LDB2: variants seen among roughly 807,000 people sequenced by gnomAD.
The protein encoded by LDB2 is LIM domain binding 2.
A neutral mutation model predicts 44.3 loss-of-function variants in LDB2; 12 were observed. That is an observed-to-expected ratio of 0.27 (90% confidence interval 0.17 to 0.44). LDB2 has a LOEUF of 0.44. Ranked by LOEUF, LDB2 falls within the 20% of genes least tolerant of loss-of-function variation. The probability of loss-of-function intolerance (pLI) is 1.00; values close to 1 mark genes in which losing one functional copy is unlikely to be tolerated. For synonymous variants in LDB2, 164 were observed against 174.8 expected, an observed-to-expected ratio of 0.94 and a Z score of 0.49; for missense variants, 344 against 473.5, an observed-to-expected ratio of 0.73 and a Z score of 2.54.
intron 1 of LDB2, among the ~76,000 whole-genome samples, chr4:16,838,496 G>A (rs1326239526): frequency 1.3e-5 from 2 of 152,140 alleles, no homozygotes; most frequent in Non-Finnish European, 2.9e-5. Flanking sequence ...ACAAATACAT[G>A]TCTGTGAAAC....
intron 1 of LDB2, among the ~76,000 whole-genome samples, chr4:16,779,679 G>A (rs558732440): frequency 5.3e-5 from 8 of 152,322 alleles, no homozygotes; most frequent in African/African-American, 1.7e-4. Context: ...CAGCCCTAAT[G>A]CTGAGTAGTC....
intron 2 of LDB2, among the ~76,000 whole-genome samples, chr4:16,712,302 C>T (rs575551623): frequency 6.6e-6 from 1 of 152,250 alleles, no homozygotes; most frequent in East Asian, 1.9e-4. Context: ...GCCTGTAATC[C>T]CAGCACTTTG....
At chr4:16,884,964 C>T (rs1413081963) in intron 1 of LDB2, among the ~76,000 whole-genome samples, 3 of 151,978 alleles carry the variant, frequency 2.0e-5, no homozygotes, top group African/African-American at 4.8e-5. Context: ...AGAAGTTAAG[C>T]GCTTAATGCC....
At chr4:16,786,486 T>C (rs1774441021) in intron 1 of LDB2, among the ~76,000 whole-genome samples, 1 of 152,228 alleles carries the variant, frequency 6.6e-6, no homozygotes, top group South Asian at 2.1e-4. Flanking sequence ...TTACTAACTG[T>C]GACTCTCTTG....
rs909476805 is a variant in LDB2, at chr4:16,501,651, A to G, written c.*992T>C. ...TGTGCCTTTACATGTGTGGAGGAAC[A>G]TATTAATATGCAAATGGAAAAATTA... On this transcript the variant is annotated 3_prime_UTR_variant, in exon 8 of 8. Coordinates refer to ENST00000304523, the MANE Select transcript of LDB2 (RefSeq NM_001290.5). 1 of 152,668 alleles carries G rather than the reference A, an allele frequency of 6.6e-6. No individual in the cohort carries two copies. Among genetic ancestry groups the G allele is most frequent in the Non-Finnish European group, 1.5e-5 (1 of 68,046 alleles). 9.5% of individuals were successfully genotyped at this position (152,668 alleles called of 1,614,324 possible).
chr4:16,596,849 G>A (rs535479626), intron 2 of LDB2, among the ~76,000 whole-genome samples: 1 of 152,214 alleles, frequency 6.6e-6, no homozygotes, highest in African/African-American at 2.4e-5. Flanking sequence ...GCAGCGATTT[G>A]AAATCCTCTT....
chr4:16,555,363 C>T (rs957928652), intron 5 of LDB2, among the ~76,000 whole-genome samples: 2 of 152,092 alleles, frequency 1.3e-5, no homozygotes, highest in Non-Finnish European at 2.9e-5. Flanking sequence ...CAGATGGTAC[C>T]GCCCTGCGAA....
At chr4:16,587,520 A>G (rs1323489442) in intron 4 of LDB2, among the ~76,000 whole-genome samples, 1 of 152,166 alleles carries the variant, frequency 6.6e-6, no homozygotes, top group African/African-American at 2.4e-5. Flanking sequence ...TTCCTCAAAG[A>G]GAGTGGAGAA....
Position 16,898,586 on chromosome 4 carries a change from C to A in LDB2, c.-101G>T. The A allele has an allele frequency of 8.6e-7, 1 of 1,158,186 alleles. No individual in the cohort carries two copies. The allele number at this position is 1,158,186 out of a possible 1,614,324, so 71.7% of individuals were successfully genotyped here. A position where few individuals can be genotyped will look rare whatever the true frequency, so the allele number is the denominator to read the frequency against. ...CCAGTACAAAGTAGACGCACGCACA[C>A]ACGCTCACACACACACAGAGGCAGG... On this transcript the variant is annotated 5_prime_UTR_variant, in exon 1 of 8. Coordinates refer to ENST00000304523, the MANE Select transcript of LDB2 (RefSeq NM_001290.5).
At chr4:16,508,769 T>G (rs1258534141) in intron 6 of LDB2, 83 bp from the exon 7 acceptor site, 1 of 1,362,182 alleles carries the variant, frequency 7.3e-7, no homozygotes, top group African/African-American at 1.5e-5. Flanking sequence ...CTAAGGAAGC[T>G]GTCTTGGTAA....
intron 1 of LDB2, among the ~76,000 whole-genome samples, chr4:16,801,354 G>A (rs1181954977): frequency 6.6e-6 from 1 of 152,124 alleles, no homozygotes; most frequent in African/African-American, 2.4e-5. Flanking sequence ...ATTTACTTAT[G>A]CATTTCCACC....
chr4:16,720,004 C>T (rs1757912804), intron 2 of LDB2, among the ~76,000 whole-genome samples: 1 of 152,032 alleles, frequency 6.6e-6, no homozygotes, highest in Non-Finnish European at 1.5e-5. Context: ...TATTTATCTT[C>T]CTTTAATTTA....
intron 2 of LDB2, among the ~76,000 whole-genome samples, chr4:16,652,556 G>A (rs568204931): frequency 1.2e-4 from 19 of 152,264 alleles, no homozygotes; most frequent in Non-Finnish European, 2.1e-4. Context: ...GGGTAAAGGC[G>A]GGGCTGTCCT....
intron 5 of LDB2, among the ~76,000 whole-genome samples, chr4:16,565,809 TA>T (rs1320989264): frequency 6.6e-6 from 1 of 151,950 alleles, no homozygotes; most frequent in Admixed American, 6.6e-5. Flanking sequence ...AATTAACATA[TA>T]GAAGTCAATA....
chr4:16,842,842 C>A (rs2110118835), intron 1 of LDB2, among the ~76,000 whole-genome samples: 2 of 152,260 alleles, frequency 1.3e-5, no homozygotes, highest in South Asian at 4.1e-4. Flanking sequence ...ATTCTACAAC[C>A]CTCATTGCCC....
At position 16,774,058 on chromosome 4, in the gene LDB2, G is replaced by A. The variant is rs376466921; in HGVS notation, c.133-14798C>T. 4.9e-3 allele frequency among the ~76,000 whole-genome samples: 727 copies of A among 149,666 alleles called. 3 individuals carry two copies. The highest frequency in any genetic ancestry group is 0.025 in the Middle Eastern group (7 of 282). The stretch of plus-strand genomic sequence containing the variant: ...TAATCCCAGCTACTCGGGGGGCTGA[G>A]GCAGGAGAATTGCTTGAACCAGGGA... On this transcript the variant is annotated intron_variant, in intron 1 of 7. Transcript: ENST00000304523.
chr4:16,689,424 C>T (rs528945780), intron 2 of LDB2, among the ~76,000 whole-genome samples: 177 of 152,302 alleles, frequency 1.2e-3, no homozygotes, highest in Non-Finnish European at 1.7e-3. Flanking sequence ...TTTATGTAAA[C>T]GTTTCATGAT....
chr4:16,538,505 C>A (rs1265195953), intron 5 of LDB2, among the ~76,000 whole-genome samples: 1 of 150,112 alleles, frequency 6.7e-6, no homozygotes, highest in Non-Finnish European at 1.5e-5. Context: ...GTTTCTACAG[C>A]TTTTCCCCTT....
intron 2 of LDB2, among the ~76,000 whole-genome samples, chr4:16,596,264 T>C (rs1720887656): frequency 6.6e-6 from 1 of 152,158 alleles, no homozygotes; most frequent in Non-Finnish European, 1.5e-5. Context: ...CATGTATGTA[T>C]AGGCCAGTTA....
Sources: gnomAD v4.1 joint callset for allele counts (sites outside exome capture counted in the v4.1 genomes callset) on GRCh38, gnomAD v4.1.1 for gene constraint, MANE v1.5 for transcripts, NCBI Gene and HGNC (gene_info 2026-07-23, HGNC 2026-07-21) for gene names.